SLC25A36: variants seen among roughly 807,000 people sequenced by gnomAD.
The protein encoded by SLC25A36 is epididymis secretory sperm binding protein.
SLC25A36 carries 24 observed loss-of-function variants against 35.3 expected under a neutral mutation model. That is an observed-to-expected ratio of 0.68 (90% CI 0.49 to 0.96). The LOEUF is 0.96. SLC25A36 is among the 40% of genes least tolerant of loss of function. The pLI, the probability that SLC25A36 is intolerant of heterozygous loss-of-function variation, is 0.00. For missense variants in SLC25A36, 294 were observed against 381.1 expected (o/e 0.77, Z 1.90); for synonymous variants, 141 against 132.2 (o/e 1.07, Z -0.46).
rs1935152864 is a variant in SLC25A36, at chr3:140,980,314, A to G, written c.*3861A>G. On this transcript the variant is annotated 3_prime_UTR_variant, in exon 7 of 7. Coordinates refer to ENST00000324194, the MANE Select transcript of SLC25A36 (RefSeq NM_001104647.3). ...AATCCACATAATGTTAGATCAAAAT[A>G]CAAATGACAAAGATAAAATGCTATG... Among the ~76,000 whole-genome samples, 1 of 152,282 alleles carries G rather than the reference A, an allele frequency of 6.6e-6. No individual in the cohort carries two copies. Among genetic ancestry groups the G allele is most frequent in the South Asian group, 2.1e-4 (1 of 4,836 alleles).
chr3:140,959,681 T>C (rs1226405159), intron 3 of SLC25A36, 141 bp downstream of exon 3: 1 of 438,516 alleles, frequency 2.3e-6, no homozygotes, highest in Non-Finnish European at 4.1e-6. Flanking sequence ...TACTTAATTT[T>C]CTTTTTAAGA....
chr3:140,979,941 A>G lies in SLC25A36; in HGVS notation c.*3488A>G, dbSNP rs1201080494. The stretch of plus-strand genomic sequence containing the variant: ...AAAATTAAAATACGCTCATGAAAAT[A>G]TGGCTTTTTCTGTAATATATCAACA... On this transcript the variant is annotated 3_prime_UTR_variant, in exon 7 of 7. Coordinates refer to ENST00000324194, the MANE Select transcript of SLC25A36 (RefSeq NM_001104647.3). The G allele has an allele frequency of 6.6e-6, 1 of 152,212 alleles. No individual in the cohort carries two copies. The highest frequency in any genetic ancestry group is 1.5e-5 in the Non-Finnish European group (1 of 68,048). 9.4% of individuals were successfully genotyped at this position (152,212 alleles called of 1,614,324 possible).
At position 140,941,906 on chromosome 3, in the gene SLC25A36, C is replaced by G; in HGVS notation, c.-149C>G. ...TGGAGTGCCGCGGGGAGGGCTGTGC[C>G]GGTTGCTTTCTGCAGCCGCATCTCG... On this transcript the variant is annotated 5_prime_UTR_variant, in exon 1 of 7. Coordinates refer to ENST00000324194, the MANE Select transcript of SLC25A36 (RefSeq NM_001104647.3). 3.7e-6 allele frequency: 2 copies of G among 537,134 alleles called. No homozygotes were observed. Among genetic ancestry groups the G allele is most frequent in the South Asian group, 2.5e-5 (1 of 39,672 alleles). 33.3% of individuals were successfully genotyped at this position (537,134 alleles called of 1,614,324 possible).
chr3:140,967,927 T>C, intron 4 of SLC25A36: 1 of 955,330 alleles, frequency 1.0e-6, no homozygotes, highest in South Asian at 4.8e-5. Context: ...AGAATCTTAA[T>C]ATAAATTGGC....
At chr3:140,959,946 T>A (rs548127125) in intron 3 of SLC25A36, among the ~76,000 whole-genome samples, 45 of 152,264 alleles carry the variant, frequency 3.0e-4, no homozygotes, top group African/African-American at 1.0e-3. Flanking sequence ...AACAGTGTAT[T>A]TATAGATAAG....
chr3:140,951,512 C>T (rs1346938712), intron 1 of SLC25A36, among the ~76,000 whole-genome samples: 1 of 152,166 alleles, frequency 6.6e-6, no homozygotes, highest in South Asian at 2.1e-4. Context: ...GATGGAGTCT[C>T]GCTCTGTCAC....
At position 140,979,301 on chromosome 3, in the gene SLC25A36, ATTT is replaced by A. The variant is rs1935130671; in HGVS notation, c.*2851_*2853del. On this transcript the variant is annotated 3_prime_UTR_variant, in exon 7 of 7. Transcript: ENST00000324194. ...ATTACTGGGTTACAGACATTTCAGCATTTTTAGGTTGGTTTTAAATCACTAAAA... is the reference window on the plus strand; with the variant it reads ...ATTACTGGGTTACAGACATTTCAGCATTAGGTTGGTTTTAAATCACTAAAA... 6.6e-6 allele frequency: 1 copy of A among 152,178 alleles called. No homozygotes were observed. 9.4% of individuals were successfully genotyped at this position (152,178 alleles called of 1,614,324 possible). A position where few individuals can be genotyped will look rare whatever the true frequency, so the allele number is the denominator to read the frequency against.
At chr3:140,963,012 G>T (rs972452490) in intron 3 of SLC25A36, 115 bp from the exon 4 acceptor site, 4 of 576,010 alleles carry the variant, frequency 6.9e-6, no homozygotes, top group Non-Finnish European at 1.1e-5. Context: ...ATGAGAATGT[G>T]GCTAGGACTT....
chr3:140,950,012 A>G (rs1934275411), intron 1 of SLC25A36, among the ~76,000 whole-genome samples: 1 of 152,122 alleles, frequency 6.6e-6, no homozygotes, highest in Non-Finnish European at 1.5e-5. Flanking sequence ...TTTCAAATTA[A>G]TATATTATAC....
chr3:140,942,422 T>C (rs192446123), intron 1 of SLC25A36: 7 of 233,572 alleles, frequency 3.0e-5, no homozygotes, highest in Non-Finnish European at 5.9e-5. Flanking sequence ...GCCGAATCCA[T>C]GCGTCTGAGG....
In SLC25A36 at chr3:140,941,851, G is replaced by C. The variant is rs1934005471; in HGVS notation, c.-204G>C. 1 of 510,992 alleles carries C rather than the reference G, an allele frequency of 2.0e-6. No homozygotes were observed. The highest frequency in any genetic ancestry group is 3.5e-6 in the Non-Finnish European group (1 of 285,940). The allele number at this position is 510,992 out of a possible 1,614,324, so 31.7% of individuals were successfully genotyped here. On this transcript the variant is annotated 5_prime_UTR_variant, in exon 1 of 7. Coordinates refer to ENST00000324194, the MANE Select transcript of SLC25A36 (RefSeq NM_001104647.3). ...CGTCGCTTTCAGCCTCTGGTGAAGG[G>C]CGGCGCGCTTAGGCAGGCGGTGGCG...
chr3:140,975,105 T>C, intron 6 of SLC25A36, among the ~76,000 whole-genome samples: 1 of 87,382 alleles, frequency 1.1e-5, no homozygotes, highest in Non-Finnish European at 2.3e-5. Context: ...TTCTTTTTTT[T>C]TTTTTTTTTT....
At chr3:140,955,381 C>T (rs1414810659) in intron 1 of SLC25A36, among the ~76,000 whole-genome samples, 1 of 152,064 alleles carries the variant, frequency 6.6e-6, no homozygotes, top group Non-Finnish European at 1.5e-5. Context: ...TTTTCTCTTT[C>T]ACCGCACTAA....
intron 2 of SLC25A36, among the ~76,000 whole-genome samples, chr3:140,959,204 C>T (rs759788536): frequency 1.3e-4 from 19 of 151,806 alleles, no homozygotes; most frequent in Non-Finnish European, 1.8e-4. Flanking sequence ...TTATTAGCAA[C>T]GAGGTTTTAC....
At chr3:140,960,390 T>G (rs1228275628) in intron 3 of SLC25A36, among the ~76,000 whole-genome samples, 1 of 152,240 alleles carries the variant, frequency 6.6e-6, no homozygotes, top group East Asian at 1.9e-4. Context: ...TCTCGACTTT[T>G]TCTGCTTTTC....
At position 140,956,648 on chromosome 3, in the gene SLC25A36, A is replaced by C; in HGVS notation, c.163A>C (p.Ser55Arg). 2 of 1,613,988 alleles carry C rather than the reference A, an allele frequency of 1.2e-6. No homozygotes were observed. The highest frequency in any genetic ancestry group is 1.7e-6 in the Non-Finnish European group (2 of 1,179,956). ...TCAGCTGAACACCATGGCTGGAGCC[A>C]GTGTCAACCGAGTAGTGTCTCCCGG... ...EVQLNTMAGA[S>R]VNRVVSPGPL... Residue 55 changes from serine (S) to arginine (R), a missense_variant, in exon 2 of 7, where the codon AGT (serine) becomes CGT (arginine). Physicochemically the swap from Ser to Arg is moderately radical, Grantham distance 110. Coordinates refer to ENST00000324194, the MANE Select transcript of SLC25A36 (RefSeq NM_001104647.3).
At chr3:140,958,697 A>G (rs994729835) in intron 2 of SLC25A36, among the ~76,000 whole-genome samples, 1 of 152,216 alleles carries the variant, frequency 6.6e-6, no homozygotes. Context: ...GTATTGTCCA[A>G]TGTTGAGTAA....
At chr3:140,967,543 A>C (rs1934792759) in intron 4 of SLC25A36, among the ~76,000 whole-genome samples, 1 of 151,858 alleles carries the variant, frequency 6.6e-6, no homozygotes, top group African/African-American at 2.4e-5. Flanking sequence ...AGTGGTGTTA[A>C]TACATTTAGG....
At chr3:140,945,970 A>G (rs956272116) in intron 1 of SLC25A36, among the ~76,000 whole-genome samples, 5 of 152,186 alleles carry the variant, frequency 3.3e-5, no homozygotes, top group Admixed American at 2.0e-4. Context: ...AAAGTCATTC[A>G]GATTTTAAAA....
Sources: allele counts gnomAD v4.1 joint callset (sites outside exome capture counted in the v4.1 genomes callset), GRCh38; gene constraint gnomAD v4.1.1; transcripts MANE v1.5; gene names NCBI Gene and HGNC (gene_info 2026-07-23, HGNC 2026-07-21).